The following KL variants were observed in gnomAD, a reference collection of about 807,000 sequenced individuals.
The protein encoded by KL is alpha-klotho.
KL carries 62 observed loss-of-function variants against 84.2 expected under a neutral mutation model. The ratio of observed to expected loss-of-function variants is 0.74; its 90% CI spans 0.60 to 0.91. KL has a LOEUF of 0.91. Among genes scored for constraint, KL ranks in the 40% least tolerant of loss-of-function variants. The pLI, the probability that KL is intolerant of heterozygous loss-of-function variation, is 0.00. For missense variants in KL, 1,261 were observed against 1,305.7 expected, an observed-to-expected ratio of 0.97 and a Z score of 0.53; for synonymous variants, 528 against 528.0, an observed-to-expected ratio of 1.00 and a Z score of 0.00.
chr13:33,016,808 A>T lies in KL; in HGVS notation c.368A>T (p.Asp123Val), dbSNP rs1158473140. ...APSPLQPATG[D>V]VASDSYNNVF... ...TCGCCGCTGCAGCCCGCCACCGGGG[A>T]CGTAGCCAGCGACAGCTACAACAAC... The change falls in exon 1 of 5, where the codon GAC becomes GTC. Residue 123 changes from aspartate (D) to valine (V), a missense_variant. Asp to Val is a radical substitution (Grantham distance 152, BLOSUM62 -3). Coordinates refer to ENST00000380099, the MANE Select transcript of KL (RefSeq NM_004795.4). 3.1e-6 allele frequency: 5 copies of T among 1,612,378 alleles called. No individual in the cohort carries two copies. Among genetic ancestry groups the T allele is most frequent in the Non-Finnish European group, 4.2e-6 (5 of 1,179,750 alleles).
At chr13:33,045,293 AATAGGG>A (rs1397086268) in intron 1 of KL, among the ~76,000 whole-genome samples, 2 of 152,138 alleles carry the variant, frequency 1.3e-5, no homozygotes, top group Non-Finnish European at 1.5e-5. Flanking sequence ...GTTATCTGTG[AATAGGG>A]ATAGTTTTAC....
chr13:33,042,290 A>G (rs1250431078), intron 1 of KL, among the ~76,000 whole-genome samples: 1 of 152,182 alleles, frequency 6.6e-6, no homozygotes, highest in African/African-American at 2.4e-5. Flanking sequence ...TTTGATGACT[A>G]CATACACCTG....
Position 33,017,026 on chromosome 13 carries a change from C to A in KL, c.586C>A (p.Leu196Met). The change falls in exon 1 of 5, where the codon CTG becomes ATG. Residue 196 changes from leucine to methionine, a missense_variant. Physicochemically the swap from Leu to Met is conservative, Grantham distance 15. Coordinates refer to ENST00000380099, the MANE Select transcript of KL (RefSeq NM_004795.4). ...CGTGGTCACCCTGTACCACTGGGAC[C>A]TGCCCCAGCGCCTGCAGGACGCCTA... is the stretch of plus-strand genomic sequence containing the variant. ...QPVVTLYHWD[L>M]PQRLQDAYGG... 6.3e-7 allele frequency: 1 copy of A among 1,598,044 alleles called. No individual in the cohort carries two copies. Among genetic ancestry groups the A allele is most frequent in the Non-Finnish European group, 8.5e-7 (1 of 1,176,100 alleles).
intron 1 of KL, among the ~76,000 whole-genome samples, chr13:33,020,122 A>C (rs1266138261): frequency 6.6e-6 from 1 of 152,210 alleles, no homozygotes; most frequent in Non-Finnish European, 1.5e-5. Flanking sequence ...TTGTGCAAGG[A>C]ACCTGTGAAA....
chr13:33,030,840 C>T (rs1870946968), intron 1 of KL, among the ~76,000 whole-genome samples: 2 of 152,044 alleles, frequency 1.3e-5, no homozygotes, highest in African/African-American at 2.4e-5. Flanking sequence ...ACATCAGTAA[C>T]ACAATAGTTG....
chr13:33,061,154 C>A lies in KL; in HGVS notation c.2075C>A (p.Thr692Lys), dbSNP rs1449272423. Residue 692 changes from threonine to lysine, a missense_variant, in exon 4 of 5, where the codon ACA becomes AAA. Thr to Lys is a moderately conservative substitution (Grantham distance 78). Coordinates refer to ENST00000380099, the MANE Select transcript of KL (RefSeq NM_004795.4). ...TGGATAACGATGAATGAGCCGTATA[C>A]AAGGAATATGACATACAGTGCTGGC... ...KLWITMNEPY[T>K]RNMTYSAGHN... 1 of 1,614,228 alleles carries A rather than the reference C, an allele frequency of 6.2e-7. No homozygotes were observed. The highest frequency in any genetic ancestry group is 8.5e-7 in the Non-Finnish European group (1 of 1,180,044).
At chr13:33,063,728 G>C (rs1354597290) in intron 4 of KL, 121 bp from the exon 5 acceptor site, 2 of 885,166 alleles carry the variant, frequency 2.3e-6, no homozygotes, top group Admixed American at 3.5e-5. Flanking sequence ...AGTGAGTCAA[G>C]ATGGTGCCAT....
chr13:33,058,597 C>T (rs1383248104), intron 3 of KL, among the ~76,000 whole-genome samples: 1 of 152,144 alleles, frequency 6.6e-6, no homozygotes, highest in Non-Finnish European at 1.5e-5. Flanking sequence ...ACCTCGGCCT[C>T]CCAAAGTGCT....
chr13:33,039,258 A>G (rs551883769), intron 1 of KL, among the ~76,000 whole-genome samples: 1 of 152,198 alleles, frequency 6.6e-6, no homozygotes, highest in Non-Finnish European at 1.5e-5. Context: ...ATTTCATTTA[A>G]TGTCTTATTC....
rs765139181 is a variant in KL at position 33,061,313 on chromosome 13, A to T, written c.2234A>T (p.Asp745Val). 5.6e-6 allele frequency: 9 copies of T among 1,614,200 alleles called. No homozygotes were observed. Among genetic ancestry groups the T allele is most frequent in the Non-Finnish European group, 5.9e-6 (7 of 1,180,036 alleles). The change falls in exon 4 of 5, where the codon GAC becomes GTC. Residue 745 changes from aspartate to valine, a missense_variant. Coordinates refer to ENST00000380099, the MANE Select transcript of KL (RefSeq NM_004795.4). ...IEPACPFSQK[D>V]KEVAERVLEF... Reference sequence around the variant, plus strand: ...CCTGCCTGCCCTTTCTCCCAAAAGGACAAAGAGGTGGCTGAGAGAGTTTTG... The same window carrying T: ...CCTGCCTGCCCTTTCTCCCAAAAGGTCAAAGAGGTGGCTGAGAGAGTTTTG...
intron 4 of KL, among the ~76,000 whole-genome samples, chr13:33,062,672 C>CAAAAAA (rs35287139): frequency 7.3e-5 from 5 of 68,080 alleles, no homozygotes; most frequent in Admixed American, 2.1e-4. Flanking sequence ...GACTCCATCT[C>CAAAAAA]AAAAAAAAAA....
intron 1 of KL, among the ~76,000 whole-genome samples, chr13:33,026,677 G>A (rs9526952): frequency 0.062 from 9,408 of 152,208 alleles, 325 homozygotes; most frequent in Non-Finnish European, 0.081. Flanking sequence ...GACCATCCCC[G>A]TGGGTGGCAA....
chr13:33,031,763 A>G lies in KL; in HGVS notation c.819+14504A>G, dbSNP rs114306844. On this transcript the variant is annotated intron_variant, in intron 1 of 4. Transcript: ENST00000380099. ...AGCTAAAAGGTTGCCAGTGGGGAGC[A>G]GGAGTGAGGGTTAGAGACGGGATTG... Among the ~76,000 whole-genome samples, 327 of 152,322 alleles carry G rather than the reference A, an allele frequency of 2.1e-3. 1 individual carries two copies. The highest frequency in any genetic ancestry group is 7.2e-3 in the African/African-American group (298 of 41,572).
At chr13:33,057,262 G>A (rs1489206832) in intron 3 of KL, among the ~76,000 whole-genome samples, 1 of 152,044 alleles carries the variant, frequency 6.6e-6, no homozygotes, top group Non-Finnish European at 1.5e-5. Context: ...GCAGATCATG[G>A]GAACGAATGC....
intron 2 of KL, 27 bp downstream of exon 2, chr13:33,054,304 T>G (rs773748930): frequency 3.5e-5 from 56 of 1,607,240 alleles, no homozygotes; most frequent in Non-Finnish European, 4.3e-5. Context: ...AGTTCTCATT[T>G]CCTGCCAAAA....
Position 33,016,850 on chromosome 13 carries a change from A to C in KL, c.410A>C (p.Glu137Ala), listed in dbSNP as rs768897146. 6.2e-7 allele frequency: 1 copy of C among 1,612,550 alleles called. No homozygotes were observed. Among genetic ancestry groups the C allele is most frequent in the African/African-American group, 1.3e-5 (1 of 74,916 alleles). The change falls in exon 1 of 5, where the codon GAG becomes GCG. Residue 137 changes from glutamate (E) to alanine (A), a missense_variant. Physicochemically the swap from Glu to Ala is moderately radical, Grantham distance 107. Transcript: ENST00000380099. ...DSYNNVFRDT[E>A]ALRELGVTHY... ...TACAACAACGTCTTCCGCGACACGG[A>C]GGCGCTGCGCGAGCTCGGGGTCACT...
At chr13:33,039,923 T>A (rs529669796) in intron 1 of KL, among the ~76,000 whole-genome samples, 1 of 152,272 alleles carries the variant, frequency 6.6e-6, no homozygotes, top group African/African-American at 2.4e-5. Context: ...TAAGGCTTGG[T>A]GCTCAGAGCT....
chr13:33,017,355 G>C, intron 1 of KL, 96 bp downstream of exon 1: 1 of 1,182,594 alleles, frequency 8.5e-7, no homozygotes, highest in Non-Finnish European at 1.2e-6. Flanking sequence ...TCCCCCAGAC[G>C]AGGCTTCACT....
At chr13:33,029,858 C>T (rs530507048) in intron 1 of KL, among the ~76,000 whole-genome samples, 2 of 152,092 alleles carry the variant, frequency 1.3e-5, no homozygotes, top group African/African-American at 2.4e-5. Context: ...TGGTCTCGAT[C>T]TCCTGACCTT....
Sources: gnomAD v4.1 joint callset for allele counts (sites outside exome capture counted in the v4.1 genomes callset) on GRCh38, gnomAD v4.1.1 for gene constraint, MANE v1.5 for transcripts, NCBI Gene and HGNC (gene_info 2026-07-23, HGNC 2026-07-21) for gene names.